Variants in RELN observed in about 807,000 individuals in gnomAD.
RELN encodes the protein reelin.
In RELN, 108 loss-of-function variants were observed where a neutral mutation model predicts 427.6. That is an observed-to-expected ratio of 0.25 (90% CI 0.22 to 0.30). The LOEUF (loss-of-function observed/expected upper bound fraction) is 0.30. RELN is among the 10% of genes least tolerant of loss of function. The pLI, the probability that RELN is intolerant of heterozygous loss-of-function variation, is 1.00. For missense variants in RELN, 3,715 were observed against 4,302.8 expected (o/e 0.86, Z 3.82); for synonymous variants, 1,524 against 1,513.4 (o/e 1.01, Z -0.16).
chr7:103,981,757 C>T (rs145627907), intron 1 of RELN, among the ~76,000 whole-genome samples: 1 of 152,322 alleles, frequency 6.6e-6, no homozygotes, highest in Non-Finnish European at 1.5e-5. Context: ...CCATTATCCT[C>T]AAGGTCACAA....
intron 3 of RELN, among the ~76,000 whole-genome samples, chr7:103,777,619 G>C (rs1025148542): frequency 2.0e-5 from 3 of 152,006 alleles, no homozygotes; most frequent in South Asian, 4.2e-4. Context: ...CCCTTCCTTC[G>C]GTCAACATCT....
chr7:103,654,710 T>A (rs893481689), intron 12 of RELN, among the ~76,000 whole-genome samples: 1 of 152,132 alleles, frequency 6.6e-6, no homozygotes, highest in African/African-American at 2.4e-5. Context: ...CAATTTGTTT[T>A]ACATTTTTCA....
chr7:103,919,327 C>A (rs1795561726), intron 1 of RELN, among the ~76,000 whole-genome samples: 2 of 151,778 alleles, frequency 1.3e-5, no homozygotes, highest in Non-Finnish European at 1.5e-5. Context: ...TGTCTGCAGC[C>A]CACATGTTTT....
intron 2 of RELN, among the ~76,000 whole-genome samples, chr7:103,876,882 G>C (rs761366075): frequency 6.6e-6 from 1 of 150,572 alleles, no homozygotes; most frequent in Non-Finnish European, 1.5e-5. Flanking sequence ...TTGCTTTCTC[G>C]ATAGAGAAAA....
intron 2 of RELN, among the ~76,000 whole-genome samples, chr7:103,858,747 T>G (rs982544791): frequency 7.2e-5 from 11 of 152,222 alleles, no homozygotes; most frequent in African/African-American, 2.7e-4. Context: ...CAAAGACGCT[T>G]CCATGGTGTA....
chr7:103,552,792 G>A (rs1459347025), intron 40 of RELN, among the ~76,000 whole-genome samples: 4 of 151,906 alleles, frequency 2.6e-5, no homozygotes, highest in Non-Finnish European at 4.4e-5. Flanking sequence ...AAGCCACCAC[G>A]CCTGGCTGAT....
intron 3 of RELN, among the ~76,000 whole-genome samples, chr7:103,781,071 C>A (rs1349597036): frequency 6.6e-6 from 1 of 152,146 alleles, no homozygotes; most frequent in African/African-American, 2.4e-5. Context: ...AATGATCCCA[C>A]CCTATAGAAG....
intron 1 of RELN, among the ~76,000 whole-genome samples, chr7:103,982,936 C>G (rs944673910): frequency 3.3e-5 from 5 of 152,220 alleles, no homozygotes; most frequent in African/African-American, 1.2e-4. Flanking sequence ...GCTAGGATCA[C>G]AAGCATATGC....
intron 34 of RELN, 106 bp from the exon 35 acceptor site, chr7:103,562,059 C>T (rs2117179258): frequency 7.5e-7 from 1 of 1,325,850 alleles, no homozygotes; most frequent in Non-Finnish European, 1.0e-6. Context: ...GTGCCTTCCT[C>T]CAGGGTCCAG....
At chr7:103,698,346 A>G (rs1834021840) in intron 9 of RELN, among the ~76,000 whole-genome samples, 1 of 152,204 alleles carries the variant, frequency 6.6e-6, no homozygotes, top group South Asian at 2.1e-4. Context: ...GGCACTAAGT[A>G]TGTTCAAATA....
At chr7:103,480,995 C>G (rs891447274) in intron 63 of RELN, among the ~76,000 whole-genome samples, 4 of 152,138 alleles carry the variant, frequency 2.6e-5, no homozygotes, top group African/African-American at 9.7e-5. Context: ...ATTCCAACAC[C>G]AGGTGACCTG....
chr7:103,662,625 CAA>C (rs747230376), intron 11 of RELN, among the ~76,000 whole-genome samples: 13 of 77,332 alleles, frequency 1.7e-4, no homozygotes, highest in Middle Eastern at 0.01. Flanking sequence ...GACTCCGTCA[CAA>C]AAAAAAAAAA....
intron 5 of RELN, among the ~76,000 whole-genome samples, chr7:103,749,891 CGTGGAAGGGACG>C (rs533461902): frequency 6.6e-6 from 1 of 152,254 alleles, no homozygotes; most frequent in African/African-American, 2.4e-5. Flanking sequence ...CCCCATATAT[CGTGGAAGGGACG>C]GTGGGAGGTA....
intron 1 of RELN, among the ~76,000 whole-genome samples, chr7:103,926,631 T>TTTTTTG (rs1795745127): frequency 4.8e-5 from 1 of 20,822 alleles, no homozygotes; most frequent in African/African-American, 3.5e-4. Flanking sequence ...TCATAAGTTT[T>TTTTTTG]TTTTTTTTTT....
chr7:103,527,992 C>T (rs1280864636), intron 46 of RELN, among the ~76,000 whole-genome samples: 2 of 152,160 alleles, frequency 1.3e-5, no homozygotes, highest in Non-Finnish European at 2.9e-5. Context: ...AAGAGTACAG[C>T]TGTTGTGGGT....
chr7:103,927,771 A>G lies in RELN; in HGVS notation c.227-10586T>C, dbSNP rs181252563. Among the ~76,000 whole-genome samples, 273 of 152,308 alleles carry G rather than the reference A, an allele frequency of 1.8e-3. 2 individuals are homozygous for G. Among genetic ancestry groups the G allele is most frequent in the African/African-American group, 6.3e-3 (260 of 41,574 alleles). On this transcript the variant is annotated intron_variant, in intron 1 of 64. Coordinates refer to ENST00000428762, the MANE Select transcript of RELN (RefSeq NM_005045.4). Reference sequence around the variant, plus strand: ...TGTGTTTTCAATATAGCTATAAGACAATTTTTCCAAGGATAAGGATGAAGA... The same window carrying G: ...TGTGTTTTCAATATAGCTATAAGACGATTTTTCCAAGGATAAGGATGAAGA...
chr7:103,727,805 G>A (rs1256018697), intron 7 of RELN, among the ~76,000 whole-genome samples: 2 of 152,010 alleles, frequency 1.3e-5, no homozygotes, highest in Admixed American at 6.6e-5. Flanking sequence ...AACTTAGAAG[G>A]TCATAAATTG....
chr7:103,883,086 C>T (rs1400382206), intron 2 of RELN, among the ~76,000 whole-genome samples: 1 of 152,278 alleles, frequency 6.6e-6, no homozygotes, highest in East Asian at 1.9e-4. Context: ...ATCCTATCCA[C>T]CACAATCAAG....
In RELN at chr7:103,589,327, T is replaced by C. The variant is rs571258930; in HGVS notation, c.4145+269A>G. On this transcript the variant is annotated intron_variant, in intron 28 of 64. Coordinates refer to ENST00000428762, the MANE Select transcript of RELN (RefSeq NM_005045.4). Reference sequence around the variant, plus strand: ...TATACATTTTGTCTGCTCATAAATGTTAAGCCATTGCAACAGTCTTTAGTA... The same window carrying C: ...TATACATTTTGTCTGCTCATAAATGCTAAGCCATTGCAACAGTCTTTAGTA... 1.0e-4 allele frequency among the ~76,000 whole-genome samples: 16 copies of C among 152,382 alleles called. No homozygotes were observed. The East Asian group carries it at 2.5e-3, about 24-fold the overall frequency.
Sources: allele counts gnomAD v4.1 joint callset (sites outside exome capture counted in the v4.1 genomes callset), GRCh38; gene constraint gnomAD v4.1.1; transcripts MANE v1.5; gene names NCBI Gene and HGNC (gene_info 2026-07-23, HGNC 2026-07-21).